ZEB2: variants seen among roughly 807,000 people sequenced by gnomAD.
ZEB2 encodes the protein zinc finger E-box-binding homeobox 2.
In ZEB2, 6 loss-of-function variants were observed where a neutral mutation model predicts 99.9. The ratio of observed to expected loss-of-function variants is 0.06; its 90% CI spans 0.03 to 0.12. The LOEUF is 0.12. Ranked by LOEUF, ZEB2 falls within the 10% of genes least tolerant of loss-of-function variation. The probability of loss-of-function intolerance (pLI) is 1.00; values close to 1 mark genes in which losing one functional copy is unlikely to be tolerated. For missense variants in ZEB2, 969 were observed against 1,502.8 expected, an observed-to-expected ratio of 0.64 and a Z score of 5.87; for synonymous variants, 517 against 542.5, an observed-to-expected ratio of 0.95 and a Z score of 0.65.
intron 2 of ZEB2, chr2:144,511,812 G>T: frequency 1.6e-6 from 2 of 1,286,946 alleles, no homozygotes; most frequent in Non-Finnish European, 2.0e-6. Context: ...GTAAAGAGGG[G>T]GAATAGGGCT....
chr2:144,445,877 T>C (rs1005161136), intron 2 of ZEB2, among the ~76,000 whole-genome samples: 1 of 152,220 alleles, frequency 6.6e-6, no homozygotes, highest in Non-Finnish European at 1.5e-5. Flanking sequence ...TACTAGAAGC[T>C]CTGCTGTGTC....
chr2:144,491,608 G>A (rs1704682969), intron 2 of ZEB2, among the ~76,000 whole-genome samples: 1 of 152,216 alleles, frequency 6.6e-6, no homozygotes, highest in African/African-American at 2.4e-5. Context: ...AGTTAAATAG[G>A]TACTCAGAAC....
rs2149876615 is a variant in ZEB2 at position 144,398,750 on chromosome 2, C to A, written c.2437G>T (p.Ala813Ser). 1.9e-6 allele frequency: 3 copies of A among 1,614,120 alleles called. No homozygotes were observed. The highest frequency in any genetic ancestry group is 2.5e-6 in the Non-Finnish European group (3 of 1,180,036). Residue 813 changes from alanine to serine, a missense_variant, in exon 8 of 10, where the codon GCT (alanine) becomes TCT (serine). This residue lies in a region of ZEB2 where 346 missense variants were observed against 460.0 expected (regional missense o/e 0.75). Transcript: ENST00000627532. ...PNSFSSEELQ[A>S]EPLDLSLPKQ... is the part of the protein sequence containing the mutation. ...GGTAATGACAAGTCTAAAGGCTCAG[C>A]CTGGAGCTCCTCAGAAGAGAAGCTG...
intron 4 of ZEB2, 22 bp downstream of exon 4, chr2:144,424,774 G>T: frequency 6.2e-7 from 1 of 1,613,892 alleles, no homozygotes; most frequent in South Asian, 1.1e-5. Flanking sequence ...AATGTGATCT[G>T]AGCGTGGCCA....
chr2:144,482,765 C>T (rs561109417), intron 2 of ZEB2, among the ~76,000 whole-genome samples: 23 of 148,134 alleles, frequency 1.6e-4, no homozygotes, highest in African/African-American at 5.2e-4. Context: ...TTTTTTTCAA[C>T]GGTTCTATCT....
intron 2 of ZEB2, among the ~76,000 whole-genome samples, chr2:144,459,777 T>C (rs1704167463): frequency 6.6e-6 from 1 of 152,182 alleles, no homozygotes; most frequent in Admixed American, 6.5e-5. Context: ...CTAAAGAGAA[T>C]TGGTTTCCTT....
At chr2:144,507,886 G>T (rs1452286210) in intron 2 of ZEB2, among the ~76,000 whole-genome samples, 1 of 152,136 alleles carries the variant, frequency 6.6e-6, no homozygotes, top group African/African-American at 2.4e-5. Context: ...TCTAGCAAAT[G>T]ATATGATTTG....
At chr2:144,468,655 T>C (rs1206666096) in intron 2 of ZEB2, among the ~76,000 whole-genome samples, 1 of 132,322 alleles carries the variant, frequency 7.6e-6, no homozygotes, top group Non-Finnish European at 1.6e-5. Flanking sequence ...ACACACATGT[T>C]TGCGTGTATT....
At chr2:144,469,311 C>T (rs1455999288) in intron 2 of ZEB2, among the ~76,000 whole-genome samples, 1 of 152,134 alleles carries the variant, frequency 6.6e-6, no homozygotes, top group East Asian at 1.9e-4. Flanking sequence ...CATAGTACTA[C>T]TGGTAGCTTT....
At chr2:144,496,762 T>C (rs561428318) in intron 2 of ZEB2, 1 of 152,324 alleles carries the variant, frequency 6.6e-6, no homozygotes, top group African/African-American at 2.4e-5. Flanking sequence ...CGAGATCAGA[T>C]GACATAGGCA....
intron 2 of ZEB2, among the ~76,000 whole-genome samples, chr2:144,477,887 C>T (rs1020444673): frequency 8.6e-5 from 13 of 151,990 alleles, no homozygotes; most frequent in Admixed American, 4.6e-4. Context: ...AGGGGTTAAG[C>T]GGAATCACTG....
intron 4 of ZEB2, among the ~76,000 whole-genome samples, chr2:144,413,064 G>A (rs1053987160): frequency 5.9e-5 from 9 of 152,142 alleles, no homozygotes; most frequent in African/African-American, 1.9e-4. Flanking sequence ...TTTCTGGGGT[G>A]TCCTCAAAGT....
At chr2:144,430,497 C>T (rs757259829) in intron 2 of ZEB2, 3 of 196,512 alleles carry the variant, frequency 1.5e-5, no homozygotes, top group South Asian at 1.1e-4. Context: ...CACACACACA[C>T]GTCCATCTAT....
At chr2:144,469,520 T>C (rs1413405079) in intron 2 of ZEB2, among the ~76,000 whole-genome samples, 1 of 152,164 alleles carries the variant, frequency 6.6e-6, no homozygotes, top group Non-Finnish European at 1.5e-5. Context: ...TTTTTTTCCC[T>C]TAACCCAATT....
chr2:144,419,462 A>T (rs1484400078), intron 4 of ZEB2, among the ~76,000 whole-genome samples: 1 of 152,228 alleles, frequency 6.6e-6, no homozygotes, highest in Non-Finnish European at 1.5e-5. Context: ...GAGTAAATAT[A>T]ACTTTCACAC....
At position 144,463,173 on chromosome 2, in the gene ZEB2, A is replaced by C. The variant is rs1704218641; in HGVS notation, c.74-33147T>G. On this transcript the variant is annotated intron_variant, in intron 2 of 9. Transcript: ENST00000627532. ...TAAAAGGGCAAAGCAAATGGTGGCT[A>C]TCGTACGCCGTGGTGCTGAATGCTT... 3.3e-5 allele frequency: 5 copies of C among 152,286 alleles called. No individual in the cohort carries two copies. The South Asian group carries it at 1.0e-3, about 32-fold the overall frequency. The allele number at this position is 152,286 out of a possible 1,614,324, so 9.4% of individuals were successfully genotyped here. A position where few individuals can be genotyped will look rare whatever the true frequency, so the allele number is the denominator to read the frequency against.
chr2:144,498,178 A>C (rs1272374116), intron 2 of ZEB2, among the ~76,000 whole-genome samples: 2 of 124,674 alleles, frequency 1.6e-5, no homozygotes, highest in African/African-American at 6.2e-5. Context: ...GTGGCATCTC[A>C]CAAGTAACTC....
Position 144,499,015 on chromosome 2 carries a change from G to A in ZEB2, c.73+18263C>T, listed in dbSNP as rs148659287. 1.8e-3 allele frequency among the ~76,000 whole-genome samples: 280 copies of A among 152,342 alleles called. 1 individual carries two copies. The highest frequency in any genetic ancestry group is 6.3e-3 in the African/African-American group (262 of 41,560). On this transcript the variant is annotated intron_variant, in intron 2 of 9. Transcript: ENST00000627532. ...TATTACCACAAAACATAACTTCAGA[G>A]TGAAGTGAAATTATTGATTTCTGCC...
At chr2:144,429,691 G>C in intron 3 of ZEB2, 78 bp downstream of exon 3, 1 of 1,603,456 alleles carries the variant, frequency 6.2e-7, no homozygotes. Context: ...TTGGTTGTGG[G>C]CGATCTGCTA....
Sources: gnomAD v4.1 joint callset for allele counts (sites outside exome capture counted in the v4.1 genomes callset) on GRCh38, gnomAD v4.1.1 for gene constraint, gnomAD v4.1.1 regional missense constraint, MANE v1.5 for transcripts, NCBI Gene and HGNC (gene_info 2026-07-23, HGNC 2026-07-21) for gene names.